Variants in GALNT13 observed in about 807,000 individuals in gnomAD.
GALNT13 encodes UDP-GalNAc:polypeptide N-acetylgalactosaminyltransferase 13.
Under a neutral mutation model 64.2 loss-of-function variants are expected in GALNT13, and 28 were observed. That is an observed-to-expected ratio of 0.44 (90% CI 0.32 to 0.60). GALNT13 has a LOEUF of 0.60. Ranked by LOEUF, GALNT13 falls within the 20% of genes least tolerant of loss-of-function variation. GALNT13 has a pLI of 0.05. For synonymous variants in GALNT13, 214 were observed against 224.6 expected (o/e 0.95, Z 0.42); for missense variants, 577 against 669.8 (o/e 0.86, Z 1.53).
chr2:153,797,461 C>T, the GALNT13 span, among the ~76,000 whole-genome samples: 1 of 152,134 alleles, frequency 6.6e-6, no homozygotes, highest in Non-Finnish European at 1.5e-5. Context: ...GTCACAGAAG[C>T]TCAACCATCC....
the GALNT13 span, among the ~76,000 whole-genome samples, chr2:153,629,132 A>G: frequency 6.6e-6 from 1 of 151,858 alleles, no homozygotes; most frequent in Non-Finnish European, 1.5e-5. Context: ...GTTTATTTGC[A>G]TAGAGGTGTT....
At chr2:153,803,584 C>CGGGAGG in the GALNT13 span, among the ~76,000 whole-genome samples, 1 of 148,720 alleles carries the variant, frequency 6.7e-6, no homozygotes, top group Non-Finnish European at 1.5e-5. Flanking sequence ...CCCAGCTACT[C>CGGGAGG]GGGAGGCTGA....
At chr2:154,230,542 A>G (rs1688861340) in intron 4 of GALNT13, among the ~76,000 whole-genome samples, 1 of 152,112 alleles carries the variant, frequency 6.6e-6, no homozygotes, top group Admixed American at 6.6e-5. Context: ...TGCTTGCATA[A>G]TACTGTAGGT....
chr2:154,037,781 C>G (rs1698749038), intron 3 of GALNT13, among the ~76,000 whole-genome samples: 1 of 152,036 alleles, frequency 6.6e-6, no homozygotes, highest in Non-Finnish European at 1.5e-5. Context: ...AAATTACATA[C>G]CTAAGATTAC....
At chr2:153,294,024 G>A in the GALNT13 span, among the ~76,000 whole-genome samples, 1 of 152,076 alleles carries the variant, frequency 6.6e-6, no homozygotes, top group African/African-American at 2.4e-5. Flanking sequence ...GTTTCACCAT[G>A]TTTCCCAGGC....
intron 12 of GALNT13, among the ~76,000 whole-genome samples, chr2:154,443,523 C>T (rs902835440): frequency 3.3e-5 from 5 of 151,806 alleles, no homozygotes; most frequent in Admixed American, 3.3e-4. Context: ...TTATTTTAAT[C>T]TTTTACTATA....
the GALNT13 span, among the ~76,000 whole-genome samples, chr2:153,760,953 T>C: frequency 0.016 from 2,506 of 152,288 alleles, 77 homozygotes; most frequent in East Asian, 0.13. Context: ...ATCTTCCTGA[T>C]AGATTTATCC....
chr2:153,484,114 AAC>A, the GALNT13 span, among the ~76,000 whole-genome samples: 1 of 152,180 alleles, frequency 6.6e-6, no homozygotes, highest in Admixed American at 6.5e-5. Flanking sequence ...GAAAATACAG[AAC>A]ACTTAGAAAA....
At chr2:154,155,791 G>A (rs1000430824) in intron 4 of GALNT13, among the ~76,000 whole-genome samples, 12 of 151,786 alleles carry the variant, frequency 7.9e-5, no homozygotes, top group Non-Finnish European at 1.3e-4. Context: ...AATATTTAAT[G>A]TTGCTATGTA....
At chr2:153,571,158 G>A in the GALNT13 span, among the ~76,000 whole-genome samples, 1 of 151,786 alleles carries the variant, frequency 6.6e-6, no homozygotes, top group East Asian at 1.9e-4. Flanking sequence ...AGTTTTAATT[G>A]TAGAGGTCTT....
chr2:153,231,816 A>C, the GALNT13 span, among the ~76,000 whole-genome samples: 1 of 152,072 alleles, frequency 6.6e-6, no homozygotes, highest in East Asian at 1.9e-4. Context: ...ATAAAAGGAA[A>C]ATTTACCTCT....
chr2:153,214,103 G>T, the GALNT13 span, among the ~76,000 whole-genome samples: 1 of 152,240 alleles, frequency 6.6e-6, no homozygotes, highest in South Asian at 2.1e-4. Context: ...TTCAGCAAAA[G>T]TTGAAGGTAT....
At chr2:154,271,962 G>A (rs1261353273) in intron 8 of GALNT13, among the ~76,000 whole-genome samples, 1 of 151,618 alleles carries the variant, frequency 6.6e-6, no homozygotes, top group Admixed American at 6.6e-5. Context: ...GATAGTAAAG[G>A]AAATTATAAA....
chr2:154,358,665 C>G (rs1054748050), intron 9 of GALNT13, among the ~76,000 whole-genome samples: 5 of 151,950 alleles, frequency 3.3e-5, no homozygotes, highest in African/African-American at 1.2e-4. Context: ...ATAAGTCTTA[C>G]TGTTTTTCAA....
At chr2:153,201,314 T>C in the GALNT13 span, among the ~76,000 whole-genome samples, 1 of 152,160 alleles carries the variant, frequency 6.6e-6, no homozygotes, top group African/African-American at 2.4e-5. Flanking sequence ...AGGATGAAGG[T>C]AGAAAAACTA....
chr2:153,793,736 A>C, the GALNT13 span, among the ~76,000 whole-genome samples: 2 of 152,198 alleles, frequency 1.3e-5, no homozygotes, highest in African/African-American at 4.8e-5. Context: ...CAGATTTAAG[A>C]ACTAGTAATC....
At chr2:153,347,590 A>G in the GALNT13 span, among the ~76,000 whole-genome samples, 2 of 152,238 alleles carry the variant, frequency 1.3e-5, no homozygotes, top group Non-Finnish European at 2.9e-5. Flanking sequence ...TTGAGTACTA[A>G]CAACAGAGTT....
chr2:153,678,919 A>G, the GALNT13 span, among the ~76,000 whole-genome samples: 4 of 152,000 alleles, frequency 2.6e-5, no homozygotes, highest in East Asian at 5.8e-4. Flanking sequence ...ACAAAAAACA[A>G]TAATTGTTGA....
At chr2:153,401,021 G>T in the GALNT13 span, among the ~76,000 whole-genome samples, 14 of 151,138 alleles carry the variant, frequency 9.3e-5, no homozygotes, top group South Asian at 2.1e-4. Context: ...TGATGTTAGG[G>T]TGTCAATTTT....
Sources: gnomAD v4.1 joint callset for allele counts (sites outside exome capture counted in the v4.1 genomes callset) on GRCh38, gnomAD v4.1.1 for gene constraint, MANE v1.5 for transcripts, NCBI Gene and HGNC (gene_info 2026-07-23, HGNC 2026-07-21) for gene names.